Variants in SCAP observed in about 807,000 individuals in gnomAD.
SCAP encodes the protein SREBF chaperone.
Under a neutral mutation model 123.6 loss-of-function variants are expected in SCAP, and 65 were observed. The ratio of observed to expected loss-of-function variants is 0.53; its 90% CI spans 0.43 to 0.65. The LOEUF is 0.65. Ranked by LOEUF, SCAP falls within the 30% of genes least tolerant of loss-of-function variation. The pLI, the probability that SCAP is intolerant of heterozygous loss-of-function variation, is 0.00. For missense variants in SCAP, 1,398 were observed against 1,712.5 expected (o/e 0.82, Z 3.24); for synonymous variants, 740 against 726.3 (o/e 1.02, Z -0.30).
intron 1 of SCAP, among the ~76,000 whole-genome samples, chr3:47,446,740 A>G (rs1707059383): frequency 6.6e-6 from 1 of 151,806 alleles, no homozygotes; most frequent in African/African-American, 2.4e-5. Flanking sequence ...CAGGAGTTTG[A>G]GACCAGCCTG....
At chr3:47,436,549 A>G (rs1576281096) in intron 2 of SCAP, among the ~76,000 whole-genome samples, 2 of 151,886 alleles carry the variant, frequency 1.3e-5, no homozygotes, top group South Asian at 4.2e-4. Context: ...GGATCATCTA[A>G]CCCTGGGAGG....
chr3:47,452,801 A>G (rs949082543), intron 1 of SCAP, among the ~76,000 whole-genome samples: 5 of 152,124 alleles, frequency 3.3e-5, no homozygotes, highest in South Asian at 2.1e-4. Flanking sequence ...CTGGACGAGC[A>G]GGGCAGGCAT....
At chr3:47,440,741 T>C (rs1706764208) in intron 2 of SCAP, among the ~76,000 whole-genome samples, 1 of 152,120 alleles carries the variant, frequency 6.6e-6, no homozygotes, top group Admixed American at 6.5e-5. Flanking sequence ...ACGCCTATAG[T>C]CCCAACTACT....
intron 7 of SCAP, 64 bp downstream of exon 7, chr3:47,425,930 AAGC>A: frequency 6.4e-7 from 1 of 1,558,786 alleles, no homozygotes; most frequent in Non-Finnish European, 8.8e-7. Context: ...AGAGCCAGGG[AAGC>A]AGGTGACATG....
chr3:47,459,399 T>C (rs534089399), intron 1 of SCAP, among the ~76,000 whole-genome samples: 4 of 152,316 alleles, frequency 2.6e-5, no homozygotes, highest in South Asian at 4.1e-4. Flanking sequence ...ACGAGTCTCG[T>C]TGCGTTACTA....
chr3:47,428,866 C>T (rs1706249125), intron 3 of SCAP, 196 bp from the exon 4 acceptor site: 2 of 559,348 alleles, frequency 3.6e-6, no homozygotes, highest in Non-Finnish European at 6.2e-6. Context: ...GAAACTCCCT[C>T]CGCTTATGAG....
chr3:47,459,759 C>A lies in SCAP; in HGVS notation c.-99+16040G>T, dbSNP rs191704104. Among the ~76,000 whole-genome samples the A allele has an allele frequency of 2.0e-3, 298 of 152,244 alleles. 3 individuals are homozygous for A. The highest frequency in any genetic ancestry group is 6.5e-3 in the African/African-American group (272 of 41,554). On this transcript the variant is annotated intron_variant, in intron 1 of 22. Coordinates refer to ENST00000265565, the MANE Select transcript of SCAP (RefSeq NM_012235.4). The stretch of plus-strand genomic sequence containing the variant: ...ATAAGGGTCTATGTTCAGCTGTGCA[C>A]GTATTGTCTTGATAAACATCTTAAA...
At chr3:47,435,322 CTTATT>C (rs1222176088) in intron 2 of SCAP, among the ~76,000 whole-genome samples, 185 bp from the exon 3 acceptor site, 1 of 152,156 alleles carries the variant, frequency 6.6e-6, no homozygotes, top group East Asian at 1.9e-4. Context: ...ATTTTTCAAA[CTTATT>C]TTAGTCACAT....
chr3:47,417,990 A>AGGGGGTGC, intron 16 of SCAP, 144 bp downstream of exon 16: 2 of 375,166 alleles, frequency 5.3e-6, no homozygotes, highest in Non-Finnish European at 1.0e-5. Flanking sequence ...GGGTGGTGGG[A>AGGGGGTGC]GGGGGTGCGG....
chr3:47,420,499 G>T lies in SCAP; in HGVS notation c.1563+55C>A. ...AAGGCCAAGTGCAGCACCACAAGGG[G>T]CCTGGAGCACCGGCCCTCCAGAAGA... is the stretch of plus-strand genomic sequence containing the variant. On this transcript the variant is annotated intron_variant, in intron 12 of 22. Transcript: ENST00000265565. This position sits in a 1 kb window ranked among gnomAD's most constrained non-coding sequence, Gnocchi z 5.0. The T allele has an allele frequency of 3.4e-6, 5 of 1,456,986 alleles. No individual in the cohort carries two copies. Among genetic ancestry groups the T allele is most frequent in the Non-Finnish European group, 4.6e-6 (5 of 1,077,906 alleles). 90.3% of individuals were successfully genotyped at this position (1,456,986 alleles called of 1,614,324 possible).
rs375622474 is a variant in SCAP, at chr3:47,423,940, G to A, written c.1143C>T (p.Ile381=). Reference sequence around the variant, plus strand: ...ACTCTCCCACTGCGTTACCTTGGGCGATCCGCAGCTTCACCTCCAGGTCTA... The same window carrying A: ...ACTCTCCCACTGCGTTACCTTGGGCAATCCGCAGCTTCACCTCCAGGTCTA... ...TPVDLEVKLR[I]AQGLSSESWS... Residue 381 remains isoleucine (I), a synonymous_variant, in exon 9 of 23, where the codon ATC becomes ATT. Coordinates refer to ENST00000265565, the MANE Select transcript of SCAP (RefSeq NM_012235.4). 14 of 1,613,210 alleles carry A rather than the reference G, an allele frequency of 8.7e-6. No individual in the cohort carries two copies. Among genetic ancestry groups the A allele is most frequent in the Admixed American group, 3.3e-5 (2 of 60,006 alleles).
intron 1 of SCAP, 115 bp downstream of exon 1, chr3:47,475,684 C>T (rs1001861680): frequency 6.5e-6 from 1 of 152,886 alleles, no homozygotes; most frequent in Non-Finnish European, 1.5e-5. Flanking sequence ...CTGGACAGCG[C>T]CATGCCCACG....
Position 47,435,458 on chromosome 3 carries a change from TAATATA to T in SCAP, c.123-327_123-322del, listed in dbSNP as rs1434677613. Among the ~76,000 whole-genome samples, 171 of 134,986 alleles carry T rather than the reference TAATATA, an allele frequency of 1.3e-3. 2 individuals carry two copies. The highest frequency in any genetic ancestry group is 4.7e-3 in the African/African-American group (162 of 34,240). The allele number at this position is 134,986 out of a possible 152,430, so 88.6% of individuals were successfully genotyped here. Reference sequence around the variant, plus strand: ...ACATTATATATAACATTAACATATATAATATAAACATACACACACACACACACACAC... The same window carrying T: ...ACATTATATATAACATTAACATATATAACATACACACACACACACACACAC... On this transcript the variant is annotated intron_variant, in intron 2 of 22. Transcript: ENST00000265565.
rs1438542296 is a variant in SCAP, at chr3:47,414,057, G to A, written c.3637C>T (p.Leu1213=). ...CAGCCCTGGCCGCCAGTCACCAGCA[G>A]GTTGTCTGAGATGACACCCAAGCTT... is the stretch of plus-strand genomic sequence containing the variant. The part of the protein sequence containing the change: ...GASLGVISDN[L]LVTGGQGCVS... Residue 1213 remains leucine, a synonymous_variant, in exon 23 of 23, where the codon CTG becomes TTG. Coordinates refer to ENST00000265565, the MANE Select transcript of SCAP (RefSeq NM_012235.4). The A allele has an allele frequency of 9.9e-6, 16 of 1,613,408 alleles. No homozygotes were observed. The highest frequency in any genetic ancestry group is 1.3e-5 in the Non-Finnish European group (15 of 1,180,022).
intron 10 of SCAP, 43 bp from the exon 11 acceptor site, chr3:47,421,072 A>C: frequency 6.6e-7 from 1 of 1,514,264 alleles, no homozygotes; most frequent in Non-Finnish European, 9.2e-7. Flanking sequence ...CCGTGACCTC[A>C]CTGTCCCAGC....
rs561218612 is a variant in SCAP, at chr3:47,418,244, G to T, written c.2337C>A (p.Ile779=). Residue 779 remains isoleucine (I), a synonymous_variant, in exon 16 of 23, where the codon ATC becomes ATA. Transcript: ENST00000265565. ...GCATGCCGTCGCTGGCCAGGCACTCGATGTCCTGCAGAAGCCCGGTGTTGG... is the reference window on the plus strand; with the variant it reads ...GCATGCCGTCGCTGGCCAGGCACTCTATGTCCTGCAGAAGCCCGGTGTTGG... ...PLVLRGHLMD[I]ECLASDGMLL... 1.1e-5 allele frequency: 17 copies of T among 1,564,914 alleles called. No homozygotes were observed. In the East Asian group the frequency reaches 1.9e-4, roughly 18 times the overall value.
In SCAP at chr3:47,427,687, A is replaced by T. The variant is rs1190245818; in HGVS notation, c.411-20T>A. On this transcript the variant is annotated intron_variant, in intron 4 of 22. Transcript: ENST00000265565. The stretch of plus-strand genomic sequence containing the variant: ...CCAGAGCTGCACAGGAGACAGGACA[A>T]GGCACCTGCTGTGTCTGCCACCACA... The T allele has an allele frequency of 5.6e-6, 9 of 1,606,522 alleles. No homozygotes were observed. In the South Asian group the frequency reaches 9.9e-5, roughly 18 times the overall value.
chr3:47,473,223 CTT>C (rs1028074169), intron 1 of SCAP, among the ~76,000 whole-genome samples: 1 of 151,880 alleles, frequency 6.6e-6, no homozygotes, highest in Non-Finnish European at 1.5e-5. Context: ...AGTCAAATAA[CTT>C]TTCTAAAACT....
Position 47,417,846 on chromosome 3 carries a change from A to AGTGAGAGGCGGCACGGGGGAGGGGG in SCAP, c.2448-21_2448-20insCCCCCTCCCCCGTGCCGCCTCTCAC. 2 of 1,082,794 alleles carry AGTGAGAGGCGGCACGGGGGAGGGGG rather than the reference A, an allele frequency of 1.8e-6. No homozygotes were observed. Among genetic ancestry groups the AGTGAGAGGCGGCACGGGGGAGGGGG allele is most frequent in the South Asian group, 3.3e-5 (2 of 61,278 alleles). 67.1% of individuals were successfully genotyped at this position (1,082,794 alleles called of 1,614,324 possible). On this transcript the variant is annotated intron_variant, in intron 16 of 22. Transcript: ENST00000265565. ...TGCCTGCTGGGGGCCAGGAGGGCGGAGTGAGAGGGGGCACGGGGGAGGGGG... is the reference window on the plus strand; with the variant it reads ...TGCCTGCTGGGGGCCAGGAGGGCGGAGTGAGAGGCGGCACGGGGGAGGGGGGTGAGAGGGGGCACGGGGGAGGGGG...
Sources: allele counts gnomAD v4.1 joint callset (sites outside exome capture counted in the v4.1 genomes callset), GRCh38; gene constraint gnomAD v4.1.1; non-coding constraint Gnocchi (gnomAD v3.1); transcripts MANE v1.5; gene names NCBI Gene and HGNC (gene_info 2026-07-23, HGNC 2026-07-21).